The following DMD variants were observed in gnomAD, a reference collection of about 807,000 sequenced individuals.
DMD encodes the protein mutant dystrophin.
A neutral mutation model predicts 330.1 loss-of-function variants in DMD; 63 were observed. The ratio of observed to expected loss-of-function variants is 0.19; its 90% CI spans 0.16 to 0.24. The LOEUF (loss-of-function observed/expected upper bound fraction) is 0.24. Among genes scored for constraint, DMD ranks in the 10% least tolerant of loss-of-function variants. The probability of loss-of-function intolerance (pLI) is 1.00; values close to 1 mark genes in which losing one functional copy is unlikely to be tolerated. For synonymous variants in DMD, 1,223 were observed against 959.8 expected (o/e 1.27, Z -5.07); for missense variants, 3,344 against 2,684.1 (o/e 1.25, Z -5.43).
chrX:31,773,297 T>G (rs1376977779), intron 51 of DMD, among the ~76,000 whole-genome samples: 1 of 112,199 alleles, frequency 8.9e-6, no homozygotes, highest in African/African-American at 3.2e-5. Context: ...TACATCAATG[T>G]ATTCTAATGT....
chrX:33,269,539 C>T (rs2053115430), intron 1 of DMD, among the ~76,000 whole-genome samples: 1 of 110,590 alleles, frequency 9.0e-6, no homozygotes, highest in Non-Finnish European at 1.9e-5. Context: ...CATGTGTACT[C>T]CCTGTATGTA....
intron 2 of DMD, among the ~76,000 whole-genome samples, chrX:32,991,666 A>C (rs2092981774): frequency 8.9e-6 from 1 of 112,157 alleles, no homozygotes; most frequent in Admixed American, 9.5e-5. Context: ...TATGTCATAT[A>C]AGGTTGTATG....
intron 7 of DMD, among the ~76,000 whole-genome samples, chrX:32,730,967 G>C (rs1398279039): frequency 8.9e-6 from 1 of 111,848 alleles, no homozygotes; most frequent in Non-Finnish European, 1.9e-5. Flanking sequence ...CGACGCAGAA[G>C]ACGGGTGATT....
At chrX:32,286,508 G>A (rs2097442236) in intron 43 of DMD, among the ~76,000 whole-genome samples, 1 of 111,559 alleles carries the variant, frequency 9.0e-6, no homozygotes, top group African/African-American at 3.3e-5. Context: ...GGGCAGGCAC[G>A]AAGAAATAAG....
intron 44 of DMD, among the ~76,000 whole-genome samples, chrX:32,117,551 T>C (rs1303020025): frequency 1.8e-5 from 2 of 111,926 alleles, no homozygotes; most frequent in East Asian, 5.6e-4. Context: ...ATCTTCTTAC[T>C]GCCATGCTCA....
chrX:33,209,560 C>G (rs2051773503), intron 1 of DMD, among the ~76,000 whole-genome samples: 1 of 111,538 alleles, frequency 9.0e-6, no homozygotes, highest in Non-Finnish European at 1.9e-5. Flanking sequence ...GTAAGTTTAT[C>G]AAACTACGGC....
rs186362777 is a variant in DMD at position 32,309,560 on chromosome X, T to A, written c.6117+522A>T. On this transcript the variant is annotated intron_variant, in intron 42 of 78. Coordinates refer to ENST00000357033, the MANE Select transcript of DMD (RefSeq NM_004006.3). Reference sequence around the variant, plus strand: ...TTTGAAAACAGCTGGATTTTGTTGGTAGCCTTTAACTGGCAGTTATAAAGA... The same window carrying A: ...TTTGAAAACAGCTGGATTTTGTTGGAAGCCTTTAACTGGCAGTTATAAAGA... 1.2e-3 allele frequency among the ~76,000 whole-genome samples: 137 copies of A among 111,519 alleles called. 2 individuals carry two copies. In the Admixed American group the frequency reaches 0.013, roughly 10 times the overall value.
intron 53 of DMD, among the ~76,000 whole-genome samples, chrX:31,661,157 C>T (rs1291525802): frequency 2.7e-5 from 3 of 111,438 alleles, no homozygotes; most frequent in Admixed American, 9.6e-5. Context: ...ATACGCGTGC[C>T]ATATATTTTT....
At chrX:32,464,301 A>G (rs770127224) in intron 24 of DMD, among the ~76,000 whole-genome samples, 2 of 111,217 alleles carry the variant, frequency 1.8e-5, no homozygotes, top group Non-Finnish European at 3.8e-5. Context: ...GGGTTTCTCA[A>G]CATTGGCACT....
rs753168277 is a variant in DMD, at chrX:31,234,672, C to T, written c.9287-11551G>A. ...ATTCACCCTGTAAAAAATCAGTACA[C>T]GTATCCCAGGTATTTGTGATGTGTC... On this transcript the variant is annotated intron_variant, in intron 63 of 78. Coordinates refer to ENST00000357033, the MANE Select transcript of DMD (RefSeq NM_004006.3). Among the ~76,000 whole-genome samples the T allele has an allele frequency of 6.2e-5, 7 of 112,185 alleles. No homozygotes were observed. In the East Asian group the frequency reaches 2.0e-3, roughly 31 times the overall value.
chrX:32,351,914 G>A (rs1457351835), intron 37 of DMD, among the ~76,000 whole-genome samples: 1 of 110,582 alleles, frequency 9.0e-6, no homozygotes, highest in Non-Finnish European at 1.9e-5. Flanking sequence ...AATTATTCAG[G>A]CAAGATAATG....
chrX:31,561,615 T>C (rs1176818749), intron 55 of DMD, among the ~76,000 whole-genome samples: 1 of 112,099 alleles, frequency 8.9e-6, no homozygotes, highest in East Asian at 2.8e-4. Context: ...TCAATCTAAA[T>C]ATATTAAGGT....
At chrX:31,683,397 A>G (rs369541639) in intron 52 of DMD, among the ~76,000 whole-genome samples, 2 of 112,259 alleles carry the variant, frequency 1.8e-5, no homozygotes, top group East Asian at 5.6e-4. Flanking sequence ...ATGCAGAGTG[A>G]GCATGGAGAA....
At chrX:32,370,687 T>TA (rs201740616) in intron 34 of DMD, among the ~76,000 whole-genome samples, 74 of 106,292 alleles carry the variant, frequency 7.0e-4, no homozygotes, top group Non-Finnish European at 9.8e-4. Flanking sequence ...CTGCTCACTT[T>TA]AAAAAAAAAA....
At chrX:32,845,009 G>C in intron 3 of DMD, 149 bp from the exon 4 acceptor site, 2 of 532,510 alleles carry the variant, frequency 3.8e-6, no homozygotes, top group Middle Eastern at 7.3e-4. Flanking sequence ...TAAATACTTT[G>C]CGCTAATTGT....
At chrX:32,342,421 G>C in intron 40 of DMD, 139 bp from the exon 41 acceptor site, 1 of 605,292 alleles carries the variant, frequency 1.7e-6, no homozygotes, top group Non-Finnish European at 2.5e-6. Flanking sequence ...AAATATGAAA[G>C]GCATGACTGT....
chrX:32,650,730 T>A (rs1428421691), intron 9 of DMD, among the ~76,000 whole-genome samples: 1 of 112,078 alleles, frequency 8.9e-6, no homozygotes, highest in African/African-American at 3.2e-5. Context: ...GGGCCTGAAA[T>A]TGAGTTCAAA....
intron 48 of DMD, among the ~76,000 whole-genome samples, chrX:31,839,200 C>T (rs1434499332): frequency 8.9e-6 from 1 of 111,863 alleles, no homozygotes; most frequent in African/African-American, 3.2e-5. Flanking sequence ...AACTCCTTTG[C>T]TTCCTCCTTC....
chrX:32,358,408 T>C (rs1282498433), intron 37 of DMD, among the ~76,000 whole-genome samples: 1 of 111,505 alleles, frequency 9.0e-6, no homozygotes, highest in Non-Finnish European at 1.9e-5. Flanking sequence ...ACAAGGAGTC[T>C]CTCCTCATTG....
Sources: allele counts gnomAD v4.1 joint callset (sites outside exome capture counted in the v4.1 genomes callset), GRCh38; gene constraint gnomAD v4.1.1; transcripts MANE v1.5; gene names NCBI Gene and HGNC (gene_info 2026-07-23, HGNC 2026-07-21).